Variants in CELF2 observed in about 807,000 individuals in gnomAD.
CELF2 encodes CUG triplet repeat RNA-binding protein 2.
CELF2 carries 8 observed loss-of-function variants against 62.6 expected under a neutral mutation model. That is an observed-to-expected ratio of 0.13 (90% CI 0.07 to 0.23). The LOEUF is 0.23. CELF2 is among the 10% of genes least tolerant of loss of function. CELF2 has a pLI of 1.00. For missense variants in CELF2, 333 were observed against 671.0 expected (o/e 0.50, Z 5.56); for synonymous variants, 258 against 250.0 (o/e 1.03, Z -0.30).
intron 3 of CELF2, among the ~76,000 whole-genome samples, chr10:11,234,381 A>G (rs952721701): frequency 3.3e-5 from 5 of 152,324 alleles, no homozygotes; most frequent in African/African-American, 1.2e-4. Flanking sequence ...CTCTTTCAAC[A>G]TAAAAAAAAT....
At chr10:11,257,703 A>C in intron 4 of CELF2, 35 bp from the exon 5 acceptor site, 5 of 1,605,744 alleles carry the variant, frequency 3.1e-6, no homozygotes, top group Non-Finnish European at 4.3e-6. Context: ...AAAAGATGAA[A>C]TGGCCTTTGC....
At chr10:11,131,562 C>G (rs1324763928) in intron 1 of CELF2, among the ~76,000 whole-genome samples, 2 of 152,208 alleles carry the variant, frequency 1.3e-5, no homozygotes, top group South Asian at 4.1e-4. Flanking sequence ...CACTAAGAAT[C>G]TTTCACATCT....
intron 1 of CELF2, among the ~76,000 whole-genome samples, chr10:11,118,831 A>AAGG: frequency 6.6e-6 from 1 of 152,338 alleles, no homozygotes. Flanking sequence ...AGCAGGAGAC[A>AAGG]AGGAGGTCAG....
intron 2 of CELF2, among the ~76,000 whole-genome samples, chr10:11,216,757 A>T (rs4750028): frequency 0.94 from 143,859 of 152,310 alleles, 68,466 homozygotes; most frequent in East Asian, 1. Context: ...GTTGCCAGTT[A>T]GTATGCCACA....
At chr10:10,560,435 C>G in the CELF2 span, among the ~76,000 whole-genome samples, 5 of 152,172 alleles carry the variant, frequency 3.3e-5, no homozygotes, top group African/African-American at 1.2e-4. Context: ...CAGAATGTGA[C>G]TTTAGTCCAG....
intron 1 of CELF2, among the ~76,000 whole-genome samples, chr10:11,119,497 A>C (rs180709856): frequency 6.6e-5 from 10 of 152,354 alleles, no homozygotes; most frequent in Admixed American, 6.5e-4. Flanking sequence ...TCTCTAGCAT[A>C]GGCTTACCCA....
intron 2 of CELF2, among the ~76,000 whole-genome samples, chr10:10,960,910 C>T (rs761933514): frequency 2.6e-5 from 4 of 152,192 alleles, no homozygotes; most frequent in African/African-American, 7.2e-5. Context: ...TGCCCCTAGA[C>T]GGAAGCTTCT....
At chr10:11,275,031 C>G (rs2085485512) in intron 7 of CELF2, 26 bp from the exon 8 acceptor site, 7 of 1,612,424 alleles carry the variant, frequency 4.3e-6, no homozygotes, top group Non-Finnish European at 5.1e-6. Context: ...ACCGTCTCCA[C>G]TTTGCCCTTG....
chr10:10,665,501 G>A, the CELF2 span, among the ~76,000 whole-genome samples: 11 of 151,954 alleles, frequency 7.2e-5, no homozygotes, highest in African/African-American at 1.9e-4. Context: ...TCTCACGACC[G>A]TGCAGGGTAG....
chr10:10,897,709 G>A (rs919181299), intron 1 of CELF2, among the ~76,000 whole-genome samples: 6 of 152,058 alleles, frequency 3.9e-5, no homozygotes, highest in African/African-American at 1.2e-4. Flanking sequence ...TGGATCTCAC[G>A]GCAGGCACAG....
At chr10:10,850,866 CGTGACCTCAGCTCACT>C (rs570709533) in intron 1 of CELF2, among the ~76,000 whole-genome samples, 196 of 152,130 alleles carry the variant, frequency 1.3e-3, no homozygotes, top group African/African-American at 4.6e-3. Flanking sequence ...AGTGCAGTGG[CGTGACCTCAGCTCACT>C]GCGACCTCTG....
the CELF2 span, among the ~76,000 whole-genome samples, chr10:10,753,748 C>A: frequency 5.9e-5 from 9 of 152,200 alleles, no homozygotes; most frequent in African/African-American, 2.2e-4. Flanking sequence ...TGGTCACATG[C>A]ACCTGACTTC....
the CELF2 span, among the ~76,000 whole-genome samples, chr10:10,667,171 G>A: frequency 1.9e-4 from 29 of 152,258 alleles, no homozygotes; most frequent in African/African-American, 6.7e-4. Flanking sequence ...AAATGAATTG[G>A]TCTCCTGGCG....
chr10:10,541,430 A>G, the CELF2 span, among the ~76,000 whole-genome samples: 41 of 152,236 alleles, frequency 2.7e-4, 2 homozygotes, highest in South Asian at 8.1e-3. Context: ...AAGTAAAGGA[A>G]AAAAGAATGG....
At position 11,306,048 on chromosome 10, in the gene CELF2, T is replaced by C. The variant is rs2094182977; in HGVS notation, c.977-8091T>C. On this transcript the variant is annotated intron_variant, in intron 9 of 12. Transcript: ENST00000633077. The surrounding 1 kb of genome is among the most constrained non-coding windows in gnomAD (Gnocchi z 4.4). The stretch of plus-strand genomic sequence containing the variant: ...GCACGCCAGCTGGCCTGAACGTCCG[T>C]CGCCTGATTGATAGGTTTTAACCAG... Among the ~76,000 whole-genome samples the C allele has an allele frequency of 6.6e-6, 1 of 152,206 alleles. No individual in the cohort carries two copies. Among genetic ancestry groups the C allele is most frequent in the African/African-American group, 2.4e-5 (1 of 41,452 alleles).
chr10:10,791,678 T>C, the CELF2 span, among the ~76,000 whole-genome samples: 1 of 152,222 alleles, frequency 6.6e-6, no homozygotes, highest in African/African-American at 2.4e-5. Context: ...CTCTGTGAAT[T>C]GTTTTCTTAT....
the CELF2 span, among the ~76,000 whole-genome samples, chr10:10,524,595 A>G: frequency 2.0e-5 from 3 of 152,174 alleles, no homozygotes; most frequent in Non-Finnish European, 2.9e-5. Flanking sequence ...ATAAATAAAA[A>G]TGTAGAAGAT....
At chr10:11,298,275 C>T (rs985585309) in intron 9 of CELF2, among the ~76,000 whole-genome samples, 4 of 152,230 alleles carry the variant, frequency 2.6e-5, no homozygotes, top group Non-Finnish European at 4.4e-5. Context: ...GCCCCCACAG[C>T]AGCACCCTGG....
At chr10:10,499,424 G>A in the CELF2 span, among the ~76,000 whole-genome samples, 1 of 152,100 alleles carries the variant, frequency 6.6e-6, no homozygotes, top group South Asian at 2.1e-4. Context: ...ACATTCAAAA[G>A]GAGGGCTAAA....
Sources: allele counts gnomAD v4.1 joint callset (sites outside exome capture counted in the v4.1 genomes callset), GRCh38; gene constraint gnomAD v4.1.1; non-coding constraint Gnocchi (gnomAD v3.1); transcripts MANE v1.5; gene names NCBI Gene and HGNC (gene_info 2026-07-23, HGNC 2026-07-21).